The following ENTHD1 variants were observed in gnomAD, a reference collection of about 807,000 sequenced individuals.
ENTHD1 encodes ENTH domain-containing protein 1.
ENTHD1 carries 23 observed loss-of-function variants against 39.1 expected under a neutral mutation model. The ratio of observed to expected loss-of-function variants is 0.59; its 90% confidence interval spans 0.42 to 0.83. The LOEUF (loss-of-function observed/expected upper bound fraction) is 0.83, where lower values mean the gene tolerates loss of function less well. Among genes scored for constraint, ENTHD1 ranks in the 40% least tolerant of loss-of-function variants. ENTHD1 has a pLI of 0.00. For missense variants in ENTHD1, 624 were observed against 705.4 expected (o/e 0.88, Z 1.31); for synonymous variants, 230 against 258.2 (o/e 0.89, Z 1.05).
intron 5 of ENTHD1, among the ~76,000 whole-genome samples, chr22:39,767,357 C>T (rs1402737117): frequency 6.6e-6 from 1 of 151,962 alleles, no homozygotes; most frequent in Non-Finnish European, 1.5e-5. Flanking sequence ...ATAAGCCAGG[C>T]GCAGTGCCTG....
At chr22:39,860,709 C>G (rs1218101170) in intron 3 of ENTHD1, among the ~76,000 whole-genome samples, 1 of 152,198 alleles carries the variant, frequency 6.6e-6, no homozygotes, top group African/African-American at 2.4e-5. Flanking sequence ...TCTATTTGTA[C>G]TGAATACAAA....
chr22:39,851,912 G>A (rs1394077407), intron 3 of ENTHD1, among the ~76,000 whole-genome samples: 2 of 152,126 alleles, frequency 1.3e-5, no homozygotes, highest in Non-Finnish European at 1.5e-5. Flanking sequence ...TGCAGTAAAT[G>A]GAGTTCCTAG....
At chr22:39,815,256 AG>A in intron 5 of ENTHD1, among the ~76,000 whole-genome samples, 1 of 152,284 alleles carries the variant, frequency 6.6e-6, no homozygotes, top group African/African-American at 2.4e-5. Flanking sequence ...CAGCCTGGCC[AG>A]CATGGTGAAA....
chr22:39,808,817 G>A (rs1419038493), intron 5 of ENTHD1, among the ~76,000 whole-genome samples: 4 of 152,132 alleles, frequency 2.6e-5, no homozygotes, highest in African/African-American at 9.7e-5. Context: ...GACTTCTACT[G>A]CAAGTGTGGC....
chr22:39,752,365 T>C (rs1311011814), intron 6 of ENTHD1, among the ~76,000 whole-genome samples: 1 of 152,126 alleles, frequency 6.6e-6, no homozygotes, highest in Non-Finnish European at 1.5e-5. Context: ...GGCAAATACA[T>C]AGAGACAACA....
intron 2 of ENTHD1, among the ~76,000 whole-genome samples, chr22:39,881,661 A>G (rs1014865008): frequency 6.6e-6 from 1 of 152,302 alleles, no homozygotes; most frequent in East Asian, 1.9e-4. Flanking sequence ...TAGACAATAA[A>G]CACATCCTAA....
intron 5 of ENTHD1, among the ~76,000 whole-genome samples, chr22:39,783,167 T>A (rs2065424335): frequency 6.6e-6 from 1 of 151,874 alleles, no homozygotes; most frequent in Non-Finnish European, 1.5e-5. Flanking sequence ...ATAAAAGCAA[T>A]CCCATTTACA....
chr22:39,801,793 C>A (rs767760326), intron 5 of ENTHD1, among the ~76,000 whole-genome samples: 2 of 151,798 alleles, frequency 1.3e-5, no homozygotes, highest in Non-Finnish European at 2.9e-5. Context: ...GACCTACATT[C>A]AAGGTTTGTT....
chr22:39,829,555 C>T (rs984240583), intron 4 of ENTHD1, among the ~76,000 whole-genome samples: 7 of 151,946 alleles, frequency 4.6e-5, no homozygotes, highest in East Asian at 1.9e-4. Context: ...TAGGCCAAGG[C>T]GGGTGGATTG....
At chr22:39,885,570 G>T (rs769987903) in intron 2 of ENTHD1, among the ~76,000 whole-genome samples, 3 of 152,092 alleles carry the variant, frequency 2.0e-5, no homozygotes, top group Non-Finnish European at 2.9e-5. Context: ...ATAGCTAAAA[G>T]AAACAACCCA....
chr22:39,887,767 G>C lies in ENTHD1; in HGVS notation c.-19C>G. ...ACGCCATAAGTAATACAAGTTCCAAGGTGAGATGGAGGATGAAAGCAATGG... is the reference window on the plus strand; with the variant it reads ...ACGCCATAAGTAATACAAGTTCCAACGTGAGATGGAGGATGAAAGCAATGG... On this transcript the variant is annotated 5_prime_UTR_variant, in exon 2 of 7. Transcript: ENST00000325157. 1 of 1,505,228 alleles carries C rather than the reference G, an allele frequency of 6.6e-7. No individual in the cohort carries two copies. The allele number at this position is 1,505,228 out of a possible 1,614,324, so 93.2% of individuals were successfully genotyped here. A position where few individuals can be genotyped will look rare whatever the true frequency, so the allele number is the denominator to read the frequency against.
chr22:39,772,988 G>A (rs573533024), intron 5 of ENTHD1, among the ~76,000 whole-genome samples: 5 of 151,674 alleles, frequency 3.3e-5, no homozygotes, highest in Admixed American at 2.0e-4. Context: ...AAAATCTGAC[G>A]GAATTAAAGA....
chr22:39,756,316 T>TCTCTCTCACACACA (rs1433242336), intron 6 of ENTHD1, among the ~76,000 whole-genome samples: 10 of 138,096 alleles, frequency 7.2e-5, no homozygotes, highest in African/African-American at 2.8e-4. Flanking sequence ...TCTCTCTCTC[T>TCTCTCTCACACACA]CACACACACA....
intron 4 of ENTHD1, among the ~76,000 whole-genome samples, chr22:39,830,532 T>C (rs2065861259): frequency 6.6e-6 from 1 of 152,058 alleles, no homozygotes; most frequent in East Asian, 1.9e-4. Context: ...TAAAAAATAA[T>C]AATAATAATT....
intron 5 of ENTHD1, among the ~76,000 whole-genome samples, chr22:39,808,242 G>A (rs935992842): frequency 3.3e-5 from 5 of 151,924 alleles, no homozygotes; most frequent in African/African-American, 9.7e-5. Flanking sequence ...TCCAGAAAGC[G>A]CCCCCTGCTG....
At position 39,874,924 on chromosome 22, in the gene ENTHD1, A is replaced by G. The variant is rs74495276; in HGVS notation, c.349+12476T>C. ...CATATATTGGTAGTGAAATCACTTA[A>G]GAAAACTTTAGTTTCTAGTCATATT... is the stretch of plus-strand genomic sequence containing the variant. On this transcript the variant is annotated intron_variant, in intron 2 of 6. Coordinates refer to ENST00000325157, the MANE Select transcript of ENTHD1 (RefSeq NM_152512.4). Among the ~76,000 whole-genome samples, 807 of 152,346 alleles carry G rather than the reference A, an allele frequency of 5.3e-3. 10 individuals are homozygous for G. Among genetic ancestry groups the G allele is most frequent in the African/African-American group, 0.018 (743 of 41,574 alleles).
intron 3 of ENTHD1, among the ~76,000 whole-genome samples, chr22:39,856,001 C>T (rs893754751): frequency 2.6e-5 from 4 of 152,242 alleles, no homozygotes; most frequent in South Asian, 2.1e-4. Flanking sequence ...TGGCCGGGCG[C>T]GGTGGCTCAA....
intron 5 of ENTHD1, among the ~76,000 whole-genome samples, chr22:39,806,686 ACAGGCAAGGACAACCCAG>A (rs1174536249): frequency 1.3e-5 from 2 of 152,134 alleles, no homozygotes; most frequent in African/African-American, 4.8e-5. Flanking sequence ...GAGGGAAATA[ACAGGCAAGGACAACCCAG>A]CAGAATCGGC....
intron 5 of ENTHD1, among the ~76,000 whole-genome samples, chr22:39,816,931 G>GAT (rs1197792072): frequency 1.3e-5 from 2 of 150,962 alleles, no homozygotes; most frequent in African/African-American, 2.4e-5. Context: ...AAATATATCT[G>GAT]ATATATATCT....
Sources: gnomAD v4.1 joint callset for allele counts (sites outside exome capture counted in the v4.1 genomes callset) on GRCh38, gnomAD v4.1.1 for gene constraint, MANE v1.5 for transcripts, NCBI Gene and HGNC (gene_info 2026-07-23, HGNC 2026-07-21) for gene names.